The following PLCH1 variants were observed in gnomAD, a reference collection of about 807,000 sequenced individuals.
PLCH1 encodes 1-phosphatidylinositol 4,5-bisphosphate phosphodiesterase eta-1.
PLCH1 carries 60 observed loss-of-function variants against 126.7 expected under a neutral mutation model. The observed-to-expected ratio is 0.47, with a 90% CI of 0.38 to 0.59. The LOEUF (loss-of-function observed/expected upper bound fraction) is 0.59, where lower values mean the gene tolerates loss of function less well. PLCH1 is among the 20% of genes least tolerant of loss of function. The probability of loss-of-function intolerance (pLI) is 0.00; values close to 1 mark genes in which losing one functional copy is unlikely to be tolerated. For synonymous variants in PLCH1, 719 were observed against 734.9 expected, an observed-to-expected ratio of 0.98 and a Z score of 0.35; for missense variants, 1,723 against 2,040.0, an observed-to-expected ratio of 0.84 and a Z score of 2.99.
chr3:155,668,743 A>G (rs1743071543), intron 2 of PLCH1, among the ~76,000 whole-genome samples: 1 of 152,126 alleles, frequency 6.6e-6, no homozygotes, highest in Non-Finnish European at 1.5e-5. Context: ...AAATACAAAA[A>G]TTAGCCAGGT....
chr3:155,637,277 T>C (rs1738845885), intron 2 of PLCH1, among the ~76,000 whole-genome samples: 2 of 152,206 alleles, frequency 1.3e-5, no homozygotes, highest in Non-Finnish European at 2.9e-5. Context: ...AGAGGTCCAT[T>C]TCCCTGTGGA....
rs541242583 is a variant in PLCH1 at position 155,486,056 on chromosome 3, A to C, written c.2620-346T>G. The C allele has an allele frequency of 3.1e-3, 2,417 of 791,834 alleles. 4 individuals are homozygous for C. Among genetic ancestry groups the C allele is most frequent in the Non-Finnish European group, 4.3e-3 (2,106 of 488,266 alleles). 49.1% of individuals were successfully genotyped at this position (791,834 alleles called of 1,614,324 possible). A position where few individuals can be genotyped will look rare whatever the true frequency, so the allele number is the denominator to read the frequency against. On this transcript the variant is annotated intron_variant, in intron 21 of 22. Transcript: ENST00000460012. ...AGATGCATGTTTCAAAGTGGTAAGC[A>C]GGAAGATGGAGTGATATGAAAAAGC...
chr3:155,670,609 G>A (rs1048465212), intron 2 of PLCH1, among the ~76,000 whole-genome samples: 6 of 151,994 alleles, frequency 3.9e-5, no homozygotes, highest in Admixed American at 2.0e-4. Context: ...ACTTCAATGG[G>A]TAGGGTTCAT....
At chr3:155,743,257 C>A (rs1160810664) in intron 1 of PLCH1, 2 of 454,092 alleles carry the variant, frequency 4.4e-6, no homozygotes, top group African/African-American at 4.0e-5. Context: ...ATCTGCTGGG[C>A]GCGGTGGCTC....
intron 2 of PLCH1, among the ~76,000 whole-genome samples, chr3:155,703,712 C>T (rs1023442999): frequency 6.6e-6 from 1 of 152,164 alleles, no homozygotes; most frequent in African/African-American, 2.4e-5. Context: ...CAATAAGTGT[C>T]TAAAGCAGGT....
In PLCH1 at chr3:155,497,428, C is replaced by T; in HGVS notation, c.1797-11G>A. The T allele has an allele frequency of 6.4e-7, 1 of 1,573,536 alleles. No individual in the cohort carries two copies. Among genetic ancestry groups the T allele is most frequent in the African/African-American group, 1.3e-5 (1 of 74,196 alleles). On this transcript the variant is annotated splice_polypyrimidine_tract_variant and intron_variant, in intron 14 of 22. Coordinates refer to ENST00000460012, the MANE Select transcript of PLCH1 (RefSeq NM_014996.4). ...CTTCGGCGACCCAATCTGTGAAGTA[C>T]CCACAGAGGATGCATGACATTTTGG...
intron 2 of PLCH1, among the ~76,000 whole-genome samples, chr3:155,636,941 A>C (rs1371956774): frequency 6.6e-6 from 1 of 152,122 alleles, no homozygotes; most frequent in Non-Finnish European, 1.5e-5. Context: ...TTTGGAGCTT[A>C]TATTTTTTAT....
intron 13 of PLCH1, among the ~76,000 whole-genome samples, chr3:155,502,193 C>A (rs1015088868): frequency 2.0e-5 from 3 of 152,154 alleles, no homozygotes; most frequent in East Asian, 3.9e-4. Flanking sequence ...CCGTCTTTCA[C>A]CAGGCTGGTA....
intron 10 of PLCH1, among the ~76,000 whole-genome samples, chr3:155,539,268 G>A (rs1429418808): frequency 6.6e-6 from 1 of 152,054 alleles, no homozygotes; most frequent in Non-Finnish European, 1.5e-5. Flanking sequence ...GGTAATAAAA[G>A]CCATCTATGA....
At chr3:155,672,954 C>A (rs1349775995) in intron 2 of PLCH1, among the ~76,000 whole-genome samples, 1 of 152,146 alleles carries the variant, frequency 6.6e-6, no homozygotes, top group South Asian at 2.1e-4. Flanking sequence ...TCCAGCCTCA[C>A]CCGTTCCACC....
At chr3:155,699,062 T>C (rs1000574304) in intron 2 of PLCH1, among the ~76,000 whole-genome samples, 1 of 151,606 alleles carries the variant, frequency 6.6e-6, no homozygotes, top group Non-Finnish European at 1.5e-5. Context: ...AATTTAATGA[T>C]AATATTTTTA....
rs112787608 is a variant in PLCH1 at position 155,583,696 on chromosome 3, C to G, written c.601-54G>C. On this transcript the variant is annotated intron_variant, in intron 5 of 22. Coordinates refer to ENST00000460012, the MANE Select transcript of PLCH1 (RefSeq NM_014996.4). ...ATATGAAAGTTAGAAATAGGAAATTCAGTACTGGGAAATAATATTTACTAT... is the reference window on the plus strand; with the variant it reads ...ATATGAAAGTTAGAAATAGGAAATTGAGTACTGGGAAATAATATTTACTAT... 1.2e-5 allele frequency: 15 copies of G among 1,247,890 alleles called. No homozygotes were observed. In the East Asian group the frequency reaches 3.3e-4, roughly 27 times the overall value. The allele number at this position is 1,247,890 out of a possible 1,614,324, so 77.3% of individuals were successfully genotyped here.
chr3:155,688,075 A>G (rs1274557060), intron 2 of PLCH1, among the ~76,000 whole-genome samples: 2 of 152,170 alleles, frequency 1.3e-5, no homozygotes, highest in African/African-American at 4.8e-5. Context: ...ATTTTTACCT[A>G]TGAAGACACA....
Position 155,730,674 on chromosome 3 carries a change from G to A in PLCH1, c.-41+14166C>T, listed in dbSNP as rs1465922083. 3.3e-5 allele frequency among the ~76,000 whole-genome samples: 5 copies of A among 152,300 alleles called. No homozygotes were observed. The East Asian group carries it at 9.6e-4, about 29-fold the overall frequency. On this transcript the variant is annotated intron_variant, in intron 1 of 22. Coordinates refer to ENST00000460012, the MANE Select transcript of PLCH1 (RefSeq NM_014996.4). ...AAATAAGTAAACAAATAAAAGAAGA[G>A]CGAGATGGCAAAATAAATAACTTCA...
intron 6 of PLCH1, among the ~76,000 whole-genome samples, chr3:155,580,181 C>T (rs1458802480): frequency 1.3e-5 from 2 of 152,144 alleles, no homozygotes; most frequent in African/African-American, 2.4e-5. Flanking sequence ...TAATTATAAA[C>T]TGAAACAAAT....
In PLCH1 at chr3:155,537,686, C is replaced by A. The variant is rs567319245; in HGVS notation, c.1362+12101G>T. ...TACCATGATAAAAGAACTAGTCCAG[C>A]AGGAAAATATCACAATCCTAAATAT... is the stretch of plus-strand genomic sequence containing the variant. On this transcript the variant is annotated intron_variant, in intron 10 of 22. Transcript: ENST00000460012. Among the ~76,000 whole-genome samples the A allele has an allele frequency of 6.4e-4, 97 of 152,182 alleles. 2 individuals are homozygous for A. The South Asian group carries it at 0.019, about 31-fold the overall frequency.
chr3:155,565,609 T>G (rs546096605), intron 7 of PLCH1, among the ~76,000 whole-genome samples: 3 of 152,248 alleles, frequency 2.0e-5, no homozygotes, highest in Admixed American at 6.5e-5. Flanking sequence ...GTACAACCTG[T>G]AGAATGTGAG....
intron 21 of PLCH1, among the ~76,000 whole-genome samples, chr3:155,466,716 T>C (rs1404748161): frequency 2.6e-5 from 4 of 152,170 alleles, no homozygotes; most frequent in Admixed American, 2.6e-4. Context: ...AAAATAGCTG[T>C]CTTGAGGAAA....
At chr3:155,677,329 G>A (rs1744173273) in intron 2 of PLCH1, among the ~76,000 whole-genome samples, 1 of 152,134 alleles carries the variant, frequency 6.6e-6, no homozygotes, top group African/African-American at 2.4e-5. Flanking sequence ...ATTCACCTGT[G>A]TCCCAATTTG....
Sources: gnomAD v4.1 joint callset for allele counts (sites outside exome capture counted in the v4.1 genomes callset) on GRCh38, gnomAD v4.1.1 for gene constraint, MANE v1.5 for transcripts, NCBI Gene and HGNC (gene_info 2026-07-23, HGNC 2026-07-21) for gene names.